Variants in ERCC1 observed in about 807,000 individuals in gnomAD.
The protein encoded by ERCC1 is ERCC excision repair 1, endonuclease non-catalytic subunit, also known as DNA excision repair protein ERCC-1.
Under a neutral mutation model 37.6 loss-of-function variants are expected in ERCC1, and 36 were observed. That is an observed-to-expected ratio of 0.96 (90% CI 0.73 to 1.26). The LOEUF (loss-of-function observed/expected upper bound fraction) is 1.26. ERCC1 is among the 50% of genes most tolerant of loss of function. The pLI, the probability that ERCC1 is intolerant of heterozygous loss-of-function variation, is 0.00. For synonymous variants in ERCC1, 156 were observed against 162.1 expected (o/e 0.96, Z 0.28); for missense variants, 349 against 376.5 (o/e 0.93, Z 0.60).
At chr19:45,442,002 T>A (rs561567441) in intron 1 of ERCC1, among the ~76,000 whole-genome samples, 16 of 151,942 alleles carry the variant, frequency 1.1e-4, no homozygotes, top group Middle Eastern at 3.4e-3. Context: ...ATTTTATTTT[T>A]TTTAATTTTG....
At chr19:45,421,563 G>A (rs550055848) in intron 2 of ERCC1, among the ~76,000 whole-genome samples, 170 bp from the exon 3 acceptor site, 21 of 151,710 alleles carry the variant, frequency 1.4e-4, no homozygotes, top group Admixed American at 9.9e-4. Context: ...TCCACCTCCC[G>A]GGTTCAAGCA....
chr19:45,424,127 A>G, upstream of ERCC1: 1 of 951,610 alleles, frequency 1.1e-6, no homozygotes, highest in Non-Finnish European at 1.3e-6. Flanking sequence ...AACAGATCGC[A>G]GGAGATCCAA....
intron 1 of ERCC1, among the ~76,000 whole-genome samples, chr19:45,445,224 C>G (rs1966905203): frequency 1.3e-5 from 2 of 152,166 alleles, no homozygotes. Context: ...ACCATGTTGG[C>G]CAGGCTGGTC....
chr19:45,447,272 T>G (rs80281678), intron 1 of ERCC1, among the ~76,000 whole-genome samples: 1 of 40,292 alleles, frequency 2.5e-5, no homozygotes, highest in Non-Finnish European at 3.7e-5. Flanking sequence ...ATTTGCTTCT[T>G]TTTTTTTTTT....
chr19:45,412,642 C>T (rs1240662706), intron 9 of ERCC1, among the ~76,000 whole-genome samples: 9 of 151,860 alleles, frequency 5.9e-5, no homozygotes, highest in African/African-American at 2.2e-4. Context: ...ATTATTGATT[C>T]CTTGTCAGAT....
At chr19:45,419,348 G>A in intron 4 of ERCC1, 151 bp from the exon 5 acceptor site, 1 of 662,232 alleles carries the variant, frequency 1.5e-6, no homozygotes, top group South Asian at 1.6e-5. Flanking sequence ...ACTTGCCCCA[G>A]GTCACTCTTC....
chr19:45,435,322 G>T lies in ERCC1; in HGVS notation c.-7-11941C>A, dbSNP rs143675825. On this transcript the variant is annotated intron_variant, in intron 1 of 8. Coordinates refer to the ERCC1 transcript ENST00000423698. The stretch of plus-strand genomic sequence containing the variant: ...CCTCTGAGATGACTTATCTCACCAT[G>T]CCCATTTTACAGAGGGAGAAACTGA... Among the ~76,000 whole-genome samples the T allele has an allele frequency of 2.0e-3, 312 of 152,244 alleles. 2 individuals carry two copies. Among genetic ancestry groups the T allele is most frequent in the African/African-American group, 7.2e-3 (299 of 41,546 alleles).
rs113525299 is a variant in ERCC1, at chr19:45,434,951, AT to A, written c.-7-11571del. On this transcript the variant is annotated intron_variant, in intron 1 of 8. Coordinates refer to the ERCC1 transcript ENST00000423698. ...CCACCACGCCCGGCTAATTTTTTGT[AT>A]TTTTTTTTTTAGTAGAGATGGGGTT... Among the ~76,000 whole-genome samples, 469 of 141,802 alleles carry A rather than the reference AT, an allele frequency of 3.3e-3. 2 individuals are homozygous for A. The highest frequency in any genetic ancestry group is 9.7e-3 in the African/African-American group (377 of 38,754). The allele number at this position is 141,802 out of a possible 152,430, so 93.0% of individuals were successfully genotyped here.
chr19:45,415,310 G>C (rs1248604467), intron 6 of ERCC1, among the ~76,000 whole-genome samples: 1 of 140,652 alleles, frequency 7.1e-6, no homozygotes, highest in Non-Finnish European at 1.5e-5. Flanking sequence ...ACTCCCGCTT[G>C]GGCAACAAGA....
intron 1 of ERCC1, among the ~76,000 whole-genome samples, chr19:45,435,181 T>G (rs1289999328): frequency 2.0e-5 from 3 of 151,990 alleles, no homozygotes; most frequent in Non-Finnish European, 4.4e-5. Flanking sequence ...CCTCCCAAAG[T>G]GCTGGGATTA....
intron 1 of ERCC1, among the ~76,000 whole-genome samples, chr19:45,445,807 CTT>C (rs1159963962): frequency 6.6e-6 from 1 of 152,096 alleles, no homozygotes; most frequent in Non-Finnish European, 1.5e-5. Context: ...GAGGTGAAGT[CTT>C]TTACAGAGTG....
intron 1 of ERCC1, among the ~76,000 whole-genome samples, chr19:45,451,305 C>T (rs1967114428): frequency 6.6e-6 from 1 of 152,204 alleles, no homozygotes; most frequent in South Asian, 2.1e-4. Context: ...CAAGCACACA[C>T]TTCGCTGGCC....
intron 9 of ERCC1, among the ~76,000 whole-genome samples, chr19:45,411,467 TCCACCA>T (rs1599805264): frequency 5.1e-5 from 2 of 39,424 alleles, no homozygotes; most frequent in East Asian, 5.4e-3. Context: ...TTATTGCCTG[TCCACCA>T]TTTGTTATTG....
intron 4 of ERCC1, 101 bp from the exon 5 acceptor site, chr19:45,419,298 A>G (rs1974257097): frequency 1.2e-6 from 1 of 845,712 alleles, no homozygotes; most frequent in Non-Finnish European, 2.0e-6. Flanking sequence ...AGAGTACGGC[A>G]TGGGGGACAG....
At chr19:45,431,209 C>T (rs564269173) in intron 1 of ERCC1, among the ~76,000 whole-genome samples, 35 of 152,300 alleles carry the variant, frequency 2.3e-4, no homozygotes, top group South Asian at 1.4e-3. Flanking sequence ...CAGACACACA[C>T]GTGAGGACCC....
rs1197139195 is a variant in ERCC1 at position 45,420,564 on chromosome 19, C to T, written c.322-137G>A. On this transcript the variant is annotated intron_variant, in intron 3 of 9. Transcript: ENST00000300853. This position sits in a 1 kb window ranked among gnomAD's most constrained non-coding sequence, Gnocchi z 4.8. ...TCCTGCCTCCTCGCACCTCTTCCCA[C>T]ACCTCCTCCCTCCTCCCACCTGTGG... The T allele has an allele frequency of 7.2e-6, 5 of 694,840 alleles. No homozygotes were observed. In the East Asian group the frequency reaches 1.1e-4, roughly 15 times the overall value. The allele number at this position is 694,840 out of a possible 1,614,324, so 43.0% of individuals were successfully genotyped here. A position where few individuals can be genotyped will look rare whatever the true frequency, so the allele number is the denominator to read the frequency against.
In ERCC1 at chr19:45,408,030, G is replaced by A; in HGVS notation, c.*1645C>T. On this transcript the variant is annotated 3_prime_UTR_variant, in exon 10 of 10. Coordinates refer to ENST00000300853, the MANE Select transcript of ERCC1 (RefSeq NM_001983.4). ...GATCATGCCACTGCACTCCAGCCTA[G>A]GCAACAGAGCAAGACTCTCTCAAAA... 2 of 1,415,062 alleles carry A rather than the reference G, an allele frequency of 1.4e-6. No individual in the cohort carries two copies. The highest frequency in any genetic ancestry group is 1.9e-6 in the Non-Finnish European group (2 of 1,061,678). 87.7% of individuals were successfully genotyped at this position (1,415,062 alleles called of 1,614,324 possible). A position where few individuals can be genotyped will look rare whatever the true frequency, so the allele number is the denominator to read the frequency against.
At chr19:45,415,307 C>T (rs1307284319) in intron 6 of ERCC1, among the ~76,000 whole-genome samples, 2 of 128,538 alleles carry the variant, frequency 1.6e-5, no homozygotes, top group Non-Finnish European at 3.1e-5. Flanking sequence ...TGCACTCCCG[C>T]TTGGGCAACA....
At chr19:45,431,879 G>A (rs1334789916) in intron 1 of ERCC1, among the ~76,000 whole-genome samples, 2 of 152,140 alleles carry the variant, frequency 1.3e-5, no homozygotes, top group Non-Finnish European at 2.9e-5. Flanking sequence ...ACAACAGACT[G>A]AGACCCTGCC....
Sources: gnomAD v4.1 joint callset for allele counts (sites outside exome capture counted in the v4.1 genomes callset) on GRCh38, gnomAD v4.1.1 for gene constraint, Gnocchi (gnomAD v3.1) non-coding constraint, MANE v1.5 for transcripts, NCBI Gene and HGNC (gene_info 2026-07-23, HGNC 2026-07-21) for gene names.